Variants in THSD7A observed in about 807,000 individuals in gnomAD.
THSD7A encodes thrombospondin type 1 domain containing 7A.
Under a neutral mutation model 231.3 loss-of-function variants are expected in THSD7A, and 96 were observed. That is an observed-to-expected ratio of 0.41 (90% CI 0.35 to 0.49). The LOEUF is 0.49. Among genes scored for constraint, THSD7A ranks in the 20% least tolerant of loss-of-function variants. The pLI is 0.05. For missense variants in THSD7A, 2,290 were observed against 2,070.2 expected (o/e 1.11, Z -2.06); for synonymous variants, 940 against 743.3 (o/e 1.26, Z -4.30).
intron 1 of THSD7A, among the ~76,000 whole-genome samples, chr7:11,698,116 C>T (rs992639254): frequency 4.6e-5 from 7 of 151,306 alleles, no homozygotes; most frequent in Non-Finnish European, 3.0e-5. Flanking sequence ...TTCATTACTT[C>T]CAAAATGGCA....
chr7:11,603,852 G>A (rs1242728393), intron 2 of THSD7A, among the ~76,000 whole-genome samples: 3 of 142,836 alleles, frequency 2.1e-5, no homozygotes, highest in Non-Finnish European at 4.5e-5. Flanking sequence ...CACAGGAAGG[G>A]GAATATCACA....
At chr7:11,689,881 A>T (rs1279762919) in intron 1 of THSD7A, among the ~76,000 whole-genome samples, 2 of 151,326 alleles carry the variant, frequency 1.3e-5, no homozygotes, top group Non-Finnish European at 3.0e-5. Context: ...GGCTCCAGAG[A>T]TTTGTATCTG....
chr7:11,546,208 A>ACT (rs1308984679), intron 4 of THSD7A, among the ~76,000 whole-genome samples: 1 of 101,810 alleles, frequency 9.8e-6, no homozygotes, highest in Admixed American at 1.1e-4. Flanking sequence ...GCGCGCTCAC[A>ACT]CACACACACA....
Position 11,734,601 on chromosome 7 carries a change from C to G in THSD7A, c.190+97156G>C, listed in dbSNP as rs1781844648. Among the ~76,000 whole-genome samples the G allele has an allele frequency of 2.6e-5, 4 of 151,910 alleles. No homozygotes were observed. The South Asian group carries it at 8.3e-4, about 32-fold the overall frequency. On this transcript the variant is annotated intron_variant, in intron 1 of 27. Transcript: ENST00000423059. ...CCAACCTGACATGTCGTATCTCGCT[C>G]TCTCAAACACCTGTAGTATTCTTTT... is the stretch of plus-strand genomic sequence containing the variant.
At chr7:11,803,102 G>T (rs1204271303) in intron 1 of THSD7A, among the ~76,000 whole-genome samples, 2 of 152,134 alleles carry the variant, frequency 1.3e-5, no homozygotes, top group African/African-American at 4.8e-5. Flanking sequence ...GTTTTCCTGA[G>T]AAATCTAAAG....
At chr7:11,513,125 A>T (rs1362297549) in intron 6 of THSD7A, among the ~76,000 whole-genome samples, 2 of 151,492 alleles carry the variant, frequency 1.3e-5, no homozygotes, top group Non-Finnish European at 2.9e-5. Flanking sequence ...GCAAAGCCAT[A>T]AGAATGATAC....
chr7:11,629,747 A>G (rs1295523233), intron 2 of THSD7A, among the ~76,000 whole-genome samples: 1 of 152,234 alleles, frequency 6.6e-6, no homozygotes, highest in Non-Finnish European at 1.5e-5. Flanking sequence ...CTGATGTTTC[A>G]GTATGAACTG....
At chr7:11,573,625 T>A (rs1001001164) in intron 4 of THSD7A, among the ~76,000 whole-genome samples, 1 of 152,214 alleles carries the variant, frequency 6.6e-6, no homozygotes, top group Non-Finnish European at 1.5e-5. Context: ...TTTATTCTCT[T>A]ATGGATAGAA....
intron 23 of THSD7A, among the ~76,000 whole-genome samples, chr7:11,391,075 G>C (rs905010451): frequency 6.6e-6 from 1 of 152,204 alleles, no homozygotes; most frequent in Non-Finnish European, 1.5e-5. Context: ...CGTGGGGTCG[G>C]GACCCACTTG....
chr7:11,506,037 G>T (rs915109417), intron 6 of THSD7A, among the ~76,000 whole-genome samples: 1 of 152,160 alleles, frequency 6.6e-6, no homozygotes. Context: ...ATTGTCCAGA[G>T]GTGGCACAGT....
At chr7:11,629,365 G>T (rs946307448) in intron 2 of THSD7A, among the ~76,000 whole-genome samples, 1 of 152,136 alleles carries the variant, frequency 6.6e-6, no homozygotes, top group Non-Finnish European at 1.5e-5. Flanking sequence ...TACTGACTCT[G>T]TTTAGTCAGG....
intron 1 of THSD7A, among the ~76,000 whole-genome samples, chr7:11,670,368 G>A (rs1783334024): frequency 6.6e-6 from 1 of 152,202 alleles, no homozygotes; most frequent in African/African-American, 2.4e-5. Flanking sequence ...GCCTGAGGCT[G>A]TGTAATGGAA....
chr7:11,552,994 C>T (rs548048083), intron 4 of THSD7A, among the ~76,000 whole-genome samples: 14 of 152,170 alleles, frequency 9.2e-5, no homozygotes, highest in African/African-American at 3.4e-4. Flanking sequence ...GGAGATGTTT[C>T]TCTTTCTCTT....
rs116517051 is a variant in THSD7A, at chr7:11,784,428, G to C, written c.190+47329C>G. 3.2e-3 allele frequency among the ~76,000 whole-genome samples: 487 copies of C among 151,410 alleles called. 2 individuals are homozygous for C. The highest frequency in any genetic ancestry group is 0.011 in the African/African-American group (462 of 41,276). ...ATCCCAATTAGATATACGTTAGTCT[G>C]TCATTTTAATCCTCAATGTCTCTTC... On this transcript the variant is annotated intron_variant, in intron 1 of 27. Coordinates refer to ENST00000423059, the MANE Select transcript of THSD7A (RefSeq NM_015204.3).
At chr7:11,433,196 C>CTACT (rs1258959609) in intron 13 of THSD7A, among the ~76,000 whole-genome samples, 1 of 152,008 alleles carries the variant, frequency 6.6e-6, no homozygotes, top group Non-Finnish European at 1.5e-5. Context: ...TTGCAGTGAT[C>CTACT]TACTTAAATC....
chr7:11,541,615 C>T lies in THSD7A; in HGVS notation c.1626G>A (p.Lys542=). The change falls in exon 6 of 28, where the codon AAG becomes AAA. Residue 542 remains lysine (K), a synonymous_variant. Transcript: ENST00000423059. ...QQGKKGFKLR[K]RRITNEPTGG... is the part of the protein sequence containing the mutation. Reference sequence around the variant, plus strand: ...CAGTGGGCTCATTGGTAATGCGCCGCTTCCTCAGTTTGAAGCCTGAATTAT... The same window carrying T: ...CAGTGGGCTCATTGGTAATGCGCCGTTTCCTCAGTTTGAAGCCTGAATTAT... 6 of 1,613,826 alleles carry T rather than the reference C, an allele frequency of 3.7e-6. No homozygotes were observed. Among genetic ancestry groups the T allele is most frequent in the Non-Finnish European group, 5.1e-6 (6 of 1,179,806 alleles).
chr7:11,811,053 A>G (rs1022535359), intron 1 of THSD7A, among the ~76,000 whole-genome samples: 5 of 152,310 alleles, frequency 3.3e-5, no homozygotes, highest in Admixed American at 2.6e-4. Flanking sequence ...TTTCTGCAAC[A>G]CAATAAGCTG....
intron 4 of THSD7A, among the ~76,000 whole-genome samples, chr7:11,551,359 A>G (rs892114965): frequency 7.2e-5 from 11 of 152,152 alleles, no homozygotes; most frequent in African/African-American, 2.2e-4. Flanking sequence ...TAATTAAACT[A>G]AAGAGCTACT....
intron 1 of THSD7A, among the ~76,000 whole-genome samples, chr7:11,682,230 C>T (rs959972569): frequency 9.2e-5 from 14 of 152,044 alleles, no homozygotes; most frequent in African/African-American, 2.4e-4. Context: ...AATAACACCA[C>T]GACAAAACTA....
Sources: gnomAD v4.1 joint callset for allele counts (sites outside exome capture counted in the v4.1 genomes callset) on GRCh38, gnomAD v4.1.1 for gene constraint, MANE v1.5 for transcripts, NCBI Gene and HGNC (gene_info 2026-07-23, HGNC 2026-07-21) for gene names.